PTPRU: variants seen among roughly 807,000 people sequenced by gnomAD.
PTPRU encodes the protein receptor-type tyrosine-protein phosphatase U.
Under a neutral mutation model 166.3 loss-of-function variants are expected in PTPRU, and 69 were observed. That is an observed-to-expected ratio of 0.41 (90% CI 0.34 to 0.51). PTPRU has a LOEUF of 0.51. PTPRU is among the 20% of genes least tolerant of loss of function. The probability of loss-of-function intolerance (pLI) is 0.09; values close to 1 mark genes in which losing one functional copy is unlikely to be tolerated. For synonymous variants in PTPRU, 793 were observed against 814.0 expected (o/e 0.97, Z 0.44); for missense variants, 1,657 against 2,013.7 (o/e 0.82, Z 3.39).
chr1:29,284,396 C>G (rs1000562610), intron 13 of PTPRU, among the ~76,000 whole-genome samples: 6 of 152,160 alleles, frequency 3.9e-5, no homozygotes, highest in African/African-American at 1.4e-4. Flanking sequence ...TACACAATTC[C>G]TAATCCCTGT....
chr1:29,253,131 A>C (rs545544602), intron 1 of PTPRU, among the ~76,000 whole-genome samples: 3 of 152,324 alleles, frequency 2.0e-5, no homozygotes, highest in African/African-American at 7.2e-5. Flanking sequence ...GATACAGATG[A>C]AGAGATGCAT....
Position 29,315,937 on chromosome 1 carries a change from C to T in PTPRU, c.3364-65C>T. 2 of 1,578,130 alleles carry T rather than the reference C, an allele frequency of 1.3e-6. No homozygotes were observed. The highest frequency in any genetic ancestry group is 2.3e-5 in the South Asian group (2 of 85,812). On this transcript the variant is annotated intron_variant, in intron 23 of 29. Coordinates refer to ENST00000373779, the MANE Select transcript of PTPRU (RefSeq NM_133178.4). This position sits in a 1 kb window ranked among gnomAD's most constrained non-coding sequence, Gnocchi z 4.5. Reference sequence around the variant, plus strand: ...TGCTTCAACCTTGAGCTTGCTTAAGCCCCATCACCACAGATCTCCAGCTTC... The same window carrying T: ...TGCTTCAACCTTGAGCTTGCTTAAGTCCCATCACCACAGATCTCCAGCTTC...
intron 26 of PTPRU, 44 bp from the exon 27 acceptor site, chr1:29,323,327 G>A (rs201633437): frequency 2.0e-5 from 31 of 1,588,530 alleles, no homozygotes; most frequent in East Asian, 9.2e-5. Context: ...GGTGAGCCCC[G>A]GCCAGGCTCT....
At position 29,291,730 on chromosome 1, in the gene PTPRU, C is replaced by T. The variant is rs144216675; in HGVS notation, c.2319-139C>T. Reference sequence around the variant, plus strand: ...ATGAGTGAAGGATGGGGGCAGAGCCCTCAGCATCCAGAGATGCTTCTAGGA... The same window carrying T: ...ATGAGTGAAGGATGGGGGCAGAGCCTTCAGCATCCAGAGATGCTTCTAGGA... On this transcript the variant is annotated intron_variant, in intron 14 of 29. Coordinates refer to ENST00000373779, the MANE Select transcript of PTPRU (RefSeq NM_133178.4). This position sits in a 1 kb window ranked among gnomAD's most constrained non-coding sequence, Gnocchi z 4.1. 1.2e-4 allele frequency: 105 copies of T among 890,046 alleles called. No homozygotes were observed. In the East Asian group the frequency reaches 2.4e-3, roughly 21 times the overall value. The allele number at this position is 890,046 out of a possible 1,614,324, so 55.1% of individuals were successfully genotyped here. A position where few individuals can be genotyped will look rare whatever the true frequency, so the allele number is the denominator to read the frequency against.
At chr1:29,255,820 G>T (rs748231145) in intron 2 of PTPRU, among the ~76,000 whole-genome samples, 1 of 152,208 alleles carries the variant, frequency 6.6e-6, no homozygotes, top group Non-Finnish European at 1.5e-5. Flanking sequence ...ACTGGGACTA[G>T]ATGTGTATAA....
In PTPRU at chr1:29,271,643, A is replaced by G. The variant is rs1274159760; in HGVS notation, c.1145-3805A>G. 2.6e-5 allele frequency among the ~76,000 whole-genome samples: 4 copies of G among 152,206 alleles called. No homozygotes were observed. Among genetic ancestry groups the G allele is most frequent in the Admixed American group, 6.5e-5 (1 of 15,278 alleles). ...AATTGGAATTTCTGGCTCCTCTTGA[A>G]AAATGGGAGGATCTGGCAACTCTGA... On this transcript the variant is annotated intron_variant, in intron 7 of 29. Transcript: ENST00000373779. This position sits in a 1 kb window ranked among gnomAD's most constrained non-coding sequence, Gnocchi z 4.4.
At chr1:29,318,425 C>T (rs921948611) in intron 25 of PTPRU, among the ~76,000 whole-genome samples, 2 of 152,216 alleles carry the variant, frequency 1.3e-5, no homozygotes, top group African/African-American at 4.8e-5. Flanking sequence ...CTCAGGGGCT[C>T]TGCCTCCTTT....
chr1:29,316,758 C>A (rs1446835038), intron 24 of PTPRU, among the ~76,000 whole-genome samples: 1 of 152,144 alleles, frequency 6.6e-6, no homozygotes, highest in Non-Finnish European at 1.5e-5. Context: ...CTCCCAGCAT[C>A]CCCCCAACAG....
At chr1:29,313,990 C>T (rs765668713) in intron 22 of PTPRU, among the ~76,000 whole-genome samples, 1 of 152,166 alleles carries the variant, frequency 6.6e-6, no homozygotes, top group Admixed American at 6.5e-5. Context: ...TTCTAAAGCG[C>T]AGTTAGTTGC....
chr1:29,308,429 T>C (rs1417513526), intron 18 of PTPRU, among the ~76,000 whole-genome samples: 1 of 150,948 alleles, frequency 6.6e-6, no homozygotes. Flanking sequence ...TAGCTGGGCG[T>C]GGTGGCTCAT....
Position 29,320,945 on chromosome 1 carries a change from T to C in PTPRU, c.3828+120T>C. 1 of 1,185,514 alleles carries C rather than the reference T, an allele frequency of 8.4e-7. No individual in the cohort carries two copies. The highest frequency in any genetic ancestry group is 1.1e-6 in the Non-Finnish European group (1 of 877,336). 73.4% of individuals were successfully genotyped at this position (1,185,514 alleles called of 1,614,324 possible). A position where few individuals can be genotyped will look rare whatever the true frequency, so the allele number is the denominator to read the frequency against. On this transcript the variant is annotated intron_variant, in intron 26 of 29. Transcript: ENST00000373779. This position sits in a 1 kb window ranked among gnomAD's most constrained non-coding sequence, Gnocchi z 5.2. Reference sequence around the variant, plus strand: ...GCTCTGCCATCTATTTATTGTGTGATGAATCATACACCTTCCCAGAGCCTC... The same window carrying C: ...GCTCTGCCATCTATTTATTGTGTGACGAATCATACACCTTCCCAGAGCCTC...
intron 1 of PTPRU, among the ~76,000 whole-genome samples, chr1:29,251,218 C>G (rs557891570): frequency 6.6e-6 from 1 of 152,078 alleles, no homozygotes; most frequent in East Asian, 1.9e-4. Flanking sequence ...TGCTACTGCA[C>G]TTCAGCCTGG....
chr1:29,315,515 G>C lies in PTPRU; in HGVS notation c.3363+8G>C, dbSNP rs753514924. ...AACATGATCCAGACTGAGGTGCGGG[G>C]ACCTGGCCCTGTCCCCACCATTATT... On this transcript the variant is annotated splice_region_variant and intron_variant, in intron 23 of 29. Coordinates refer to ENST00000373779, the MANE Select transcript of PTPRU (RefSeq NM_133178.4). This position sits in a 1 kb window ranked among gnomAD's most constrained non-coding sequence, Gnocchi z 4.5. The C allele has an allele frequency of 6.2e-7, 1 of 1,613,970 alleles. No homozygotes were observed. The highest frequency in any genetic ancestry group is 1.3e-5 in the African/African-American group (1 of 74,916).
intron 29 of PTPRU, 97 bp from the exon 30 acceptor site, chr1:29,325,502 G>A (rs1430149711): frequency 5.3e-6 from 8 of 1,515,080 alleles, no homozygotes; most frequent in East Asian, 4.5e-5. Flanking sequence ...GCCTGGGCTC[G>A]GGCTCGTGCT....
Position 29,241,719 on chromosome 1 carries a change from T to C in PTPRU, c.73+5002T>C, listed in dbSNP as rs1200261708. On this transcript the variant is annotated intron_variant, in intron 1 of 29. Transcript: ENST00000373779. Reference sequence around the variant, plus strand: ...AAGTGATTCTCCTGCCTCAGCCTCCTAAGTAGCTGGGATTACAGGCGCACG... The same window carrying C: ...AAGTGATTCTCCTGCCTCAGCCTCCCAAGTAGCTGGGATTACAGGCGCACG... Among the ~76,000 whole-genome samples, 49 of 137,982 alleles carry C rather than the reference T, an allele frequency of 3.6e-4. No individual in the cohort carries two copies. The Middle Eastern group carries it at 0.013, about 35-fold the overall frequency. The allele number at this position is 137,982 out of a possible 152,430, so 90.5% of individuals were successfully genotyped here. A position where few individuals can be genotyped will look rare whatever the true frequency, so the allele number is the denominator to read the frequency against.
intron 12 of PTPRU, among the ~76,000 whole-genome samples, chr1:29,283,191 T>C (rs1362588308): frequency 1.1e-5 from 1 of 91,434 alleles, no homozygotes; most frequent in African/African-American, 4.2e-5. Context: ...GCCCCTCCCA[T>C]AGCCCTGCCT....
At chr1:29,250,642 G>A (rs990771436) in intron 1 of PTPRU, among the ~76,000 whole-genome samples, 1 of 152,216 alleles carries the variant, frequency 6.6e-6, no homozygotes, top group African/African-American at 2.4e-5. Context: ...GTGCATGTCT[G>A]TGCCCATGTC....
chr1:29,241,718 C>G (rs1390429602), intron 1 of PTPRU, among the ~76,000 whole-genome samples: 1 of 151,418 alleles, frequency 6.6e-6, no homozygotes, highest in East Asian at 1.9e-4. Context: ...CCTCAGCCTC[C>G]TAAGTAGCTG....
intron 18 of PTPRU, among the ~76,000 whole-genome samples, chr1:29,308,532 A>C (rs1687502648): frequency 7.6e-6 from 1 of 131,372 alleles, no homozygotes; most frequent in East Asian, 2.4e-4. Context: ...GTGCCATTGC[A>C]CTCCAGACTG....
Sources: gnomAD v4.1 joint callset for allele counts (sites outside exome capture counted in the v4.1 genomes callset) on GRCh38, gnomAD v4.1.1 for gene constraint, Gnocchi (gnomAD v3.1) non-coding constraint, MANE v1.5 for transcripts, NCBI Gene and HGNC (gene_info 2026-07-23, HGNC 2026-07-21) for gene names.